Variants in NAT16 observed in about 807,000 individuals in gnomAD.
NAT16 encodes N-acetyltransferase 16 (putative).
In NAT16, 16 loss-of-function variants were observed where a neutral mutation model predicts 15.9. That is an observed-to-expected ratio of 1.01 (90% CI 0.68 to 1.53). The LOEUF is 1.53. Ranked by LOEUF, NAT16 falls within the 40% of genes most tolerant of loss-of-function variation. The pLI is 0.00. For synonymous variants in NAT16, 260 were observed against 241.9 expected, an observed-to-expected ratio of 1.07 and a Z score of -0.69; for missense variants, 572 against 508.4, an observed-to-expected ratio of 1.13 and a Z score of -1.20.
chr7:101,179,895 T>C (rs1009719277), intron 1 of NAT16, 147 bp downstream of exon 1: 14 of 152,260 alleles, frequency 9.2e-5, no homozygotes, highest in African/African-American at 3.4e-4. Flanking sequence ...GACTCAGTTT[T>C]CTGGGTCTTC....
rs1332385980 is a variant in NAT16 at position 101,172,283 on chromosome 7, G to A, written c.906C>T (p.Phe302=). The change falls in exon 4 of 4, where the codon TTC becomes TTT. Residue 302 remains phenylalanine, a synonymous_variant. Coordinates refer to ENST00000300303, the MANE Select transcript of NAT16 (RefSeq NM_198571.3). This position sits in a 1 kb window ranked among gnomAD's most constrained non-coding sequence, Gnocchi z 4.2. ...TCTGCACCTGCGCGCCGTCGCTACC[G>A]AAGGCGTCGATGTTGAGATAGCGCC... ...GTWRYLNIDA[F]GSDGAQVQSQ... 28 of 1,612,388 alleles carry A rather than the reference G, an allele frequency of 1.7e-5. No homozygotes were observed. Among genetic ancestry groups the A allele is most frequent in the Non-Finnish European group, 2.4e-5 (28 of 1,179,624 alleles).
chr7:101,171,527 AGCTTG>A lies in NAT16; in HGVS notation c.*547_*551del. The A allele has an allele frequency of 6.5e-6, 1 of 153,360 alleles. No homozygotes were observed. The highest frequency in any genetic ancestry group is 6.5e-5 in the Admixed American group (1 of 15,324). 9.5% of individuals were successfully genotyped at this position (153,360 alleles called of 1,614,324 possible). A position where few individuals can be genotyped will look rare whatever the true frequency, so the allele number is the denominator to read the frequency against. ...GAGGGCACTGATCTCTGGCACCAGA[AGCTTG>A]AGCAGGGGGAGGGGATTGGGGTGTG... On this transcript the variant is annotated 3_prime_UTR_variant, in exon 4 of 4. Transcript: ENST00000300303.
rs749396806 is a variant in NAT16 at position 101,172,201 on chromosome 7, T to G, written c.988A>C (p.Met330Leu). Reference sequence around the variant, plus strand: ...TGGGGCTCCAGGAAGAGCTGGCACATGACGTTGAGGCCAACGAGGCGCGGG... The same window carrying G: ...TGGGGCTCCAGGAAGAGCTGGCACAGGACGTTGAGGCCAACGAGGCGCGGG... ...QAPRLVGLNV[M>L]CQLFLEPQLW... The change falls in exon 4 of 4, where the codon ATG (methionine) becomes CTG (leucine). Residue 330 changes from methionine to leucine, a missense_variant. Coordinates refer to ENST00000300303, the MANE Select transcript of NAT16 (RefSeq NM_198571.3). The surrounding 1 kb of genome is among the most constrained non-coding windows in gnomAD (Gnocchi z 4.2). 1.9e-6 allele frequency: 3 copies of G among 1,613,878 alleles called. No individual in the cohort carries two copies. Among genetic ancestry groups the G allele is most frequent in the South Asian group, 1.1e-5 (1 of 91,072 alleles).
chr7:101,173,491 G>C lies in NAT16; in HGVS notation c.342C>G (p.Asp114Glu). 2 of 1,606,448 alleles carry C rather than the reference G, an allele frequency of 1.2e-6. No homozygotes were observed. Among genetic ancestry groups the C allele is most frequent in the Non-Finnish European group, 1.7e-6 (2 of 1,175,816 alleles). The change falls in exon 3 of 4, where the codon GAC becomes GAG. Residue 114 changes from aspartate (D) to glutamate (E), a missense_variant. Coordinates refer to ENST00000300303, the MANE Select transcript of NAT16 (RefSeq NM_198571.3). ...VIALESVNVI[D>E]AGETVLVEGL... Reference sequence around the variant, plus strand: ...CCTCCACCAGCACCGTCTCCCCGGCGTCGATCACGTTCACCGACTCCAGCG... The same window carrying C: ...CCTCCACCAGCACCGTCTCCCCGGCCTCGATCACGTTCACCGACTCCAGCG...
intron 2 of NAT16, chr7:101,174,279 C>A: frequency 1.7e-6 from 1 of 582,568 alleles, no homozygotes; most frequent in East Asian, 3.0e-5. Flanking sequence ...CTCACCTGTC[C>A]CTCTGGTTCC....
chr7:101,172,525 C>G lies in NAT16; in HGVS notation c.664G>C (p.Asp222His), dbSNP rs781324827. 1.3e-6 allele frequency: 2 copies of G among 1,576,218 alleles called. No homozygotes were observed. The highest frequency in any genetic ancestry group is 4.7e-5 in the East Asian group (2 of 42,882). Residue 222 changes from aspartate (D) to histidine (H), a missense_variant, in exon 4 of 4, where the codon GAC becomes CAC. Coordinates refer to ENST00000300303, the MANE Select transcript of NAT16 (RefSeq NM_198571.3). This position sits in a 1 kb window ranked among gnomAD's most constrained non-coding sequence, Gnocchi z 4.2. ...GGTGACAGCAGGAGGCGTGCCACGT[C>G]GCCGCCTGCCTCGGACACGGCCTCG... is the stretch of plus-strand genomic sequence containing the variant. ...PTEAVSEAGG[D>H]VARLLLSPSV...
chr7:101,176,869 G>T (rs1338211069), intron 1 of NAT16, among the ~76,000 whole-genome samples: 1 of 152,082 alleles, frequency 6.6e-6, no homozygotes, highest in Non-Finnish European at 1.5e-5. Flanking sequence ...TTCTGTGGGG[G>T]TGATATTGAC....
At position 101,172,051 on chromosome 7, in the gene NAT16, T is replaced by C. The variant is rs763558289; in HGVS notation, c.*28A>G. On this transcript the variant is annotated 3_prime_UTR_variant, in exon 4 of 4. Transcript: ENST00000300303. The surrounding 1 kb of genome is among the most constrained non-coding windows in gnomAD (Gnocchi z 4.2). The stretch of plus-strand genomic sequence containing the variant: ...GAAACTGCGGAAGGGGGCGGGTCTT[T>C]TTCCCCCTCCCCGCCAGAGGAGAGG... The C allele has an allele frequency of 4.6e-6, 7 of 1,516,526 alleles. No individual in the cohort carries two copies. The highest frequency in any genetic ancestry group is 6.3e-6 in the Non-Finnish European group (7 of 1,106,012). 93.9% of individuals were successfully genotyped at this position (1,516,526 alleles called of 1,614,324 possible). A position where few individuals can be genotyped will look rare whatever the true frequency, so the allele number is the denominator to read the frequency against.
chr7:101,172,454 G>C lies in NAT16; in HGVS notation c.735C>G (p.Asp245Glu), dbSNP rs781024841. 3 of 1,600,904 alleles carry C rather than the reference G, an allele frequency of 1.9e-6. No homozygotes were observed. Among genetic ancestry groups the C allele is most frequent in the Admixed American group, 3.4e-5 (2 of 59,244 alleles). Residue 245 changes from aspartate (D) to glutamate (E), a missense_variant, in exon 4 of 4, where the codon GAC (aspartate) becomes GAG (glutamate). By Grantham distance (45) the Asp-to-Glu change is conservative (BLOSUM62 2). Coordinates refer to ENST00000300303, the MANE Select transcript of NAT16 (RefSeq NM_198571.3). This position sits in a 1 kb window ranked among gnomAD's most constrained non-coding sequence, Gnocchi z 4.2. The part of the protein sequence containing the change: ...DVLPGGTIIQ[D>E]WQPYRPSESN... ...TTTCGCTAGGCCGGTAGGGCTGCCA[G>C]TCCTGGATGATGGTCCCGCCTGGAA... is the stretch of plus-strand genomic sequence containing the variant.
rs771287019 is a variant in NAT16 at position 101,172,104 on chromosome 7, T to A, written c.1085A>T (p.Gln362Leu). ...TCAGATGTCGGCCTCCAGCAGGTAC[T>A]GTTCAGTATAACCCTTCACCAGCTC... Reference protein sequence around the residue: ...GLELVKGYTEQYLLEADI With the variant: ...GLELVKGYTELYLLEADI The change falls in exon 4 of 4, where the codon CAG becomes CTG. Residue 362 changes from glutamine (Q) to leucine (L), a missense_variant. Coordinates refer to ENST00000300303, the MANE Select transcript of NAT16 (RefSeq NM_198571.3). The surrounding 1 kb of genome is among the most constrained non-coding windows in gnomAD (Gnocchi z 4.2). The A allele has an allele frequency of 1.2e-6, 2 of 1,613,632 alleles. No individual in the cohort carries two copies. Among genetic ancestry groups the A allele is most frequent in the African/African-American group, 1.3e-5 (1 of 74,972 alleles).
At chr7:101,179,141 G>A (rs1797536808) in intron 1 of NAT16, 1 of 151,390 alleles carries the variant, frequency 6.6e-6, no homozygotes, top group African/African-American at 2.4e-5. Flanking sequence ...TTGACACTGG[G>A]GGAGGGAGGA....
chr7:101,172,748 C>T lies in NAT16; in HGVS notation c.538-97G>A, dbSNP rs1200034270. 7.1e-6 allele frequency: 7 copies of T among 992,312 alleles called. No homozygotes were observed. The highest frequency in any genetic ancestry group is 9.8e-6 in the Non-Finnish European group (7 of 713,884). 61.5% of individuals were successfully genotyped at this position (992,312 alleles called of 1,614,324 possible). On this transcript the variant is annotated intron_variant, in intron 3 of 3. Transcript: ENST00000300303. This position sits in a 1 kb window ranked among gnomAD's most constrained non-coding sequence, Gnocchi z 4.2. ...GCATCTTCACTCCCACGTTCACGCC[C>T]ACGGGCTCCCACCTGGGTCCCTCTG...
In NAT16 at chr7:101,172,500, G is replaced by T; in HGVS notation, c.689C>A (p.Pro230His). The change falls in exon 4 of 4, where the codon CCC becomes CAC. Residue 230 changes from proline (P) to histidine (H), a missense_variant. By Grantham distance (77) the Pro-to-His change is moderately conservative. Coordinates refer to ENST00000300303, the MANE Select transcript of NAT16 (RefSeq NM_198571.3). This position sits in a 1 kb window ranked among gnomAD's most constrained non-coding sequence, Gnocchi z 4.2. ...TGGAAGCACGTCGCGCTGCACGGAG[G>T]GTGACAGCAGGAGGCGTGCCACGTC... ...GGDVARLLLS[P>H]SVQRDVLPGG... 1 of 1,592,970 alleles carries T rather than the reference G, an allele frequency of 6.3e-7. No individual in the cohort carries two copies. Among genetic ancestry groups the T allele is most frequent in the South Asian group, 1.1e-5 (1 of 89,470 alleles).
intron 1 of NAT16, among the ~76,000 whole-genome samples, chr7:101,177,557 G>T (rs966190107): frequency 6.6e-6 from 1 of 152,052 alleles, no homozygotes; most frequent in Non-Finnish European, 1.5e-5. Flanking sequence ...CCACTATTTT[G>T]CCCAGGCTGG....
At chr7:101,174,193 C>CCT (rs377431179) in intron 2 of NAT16, 9 of 471,980 alleles carry the variant, frequency 1.9e-5, no homozygotes, top group African/African-American at 1.6e-4. Context: ...CCTAGCCTAC[C>CCT]CTCTCTCTCC....
chr7:101,173,024 T>C (rs112978090), intron 3 of NAT16, among the ~76,000 whole-genome samples: 3,770 of 152,160 alleles, frequency 0.025, 78 homozygotes, highest in Non-Finnish European at 0.038. Flanking sequence ...GGAGATGGCT[T>C]GGGGCCCTGA....
At chr7:101,173,275 C>T (rs753677658) in intron 3 of NAT16, 21 bp downstream of exon 3, 4 of 1,605,650 alleles carry the variant, frequency 2.5e-6, no homozygotes, top group Admixed American at 1.7e-5. Flanking sequence ...CCCAGCCATC[C>T]GAGCTCCCTG....
Position 101,171,847 on chromosome 7 carries a change from T to C in NAT16, c.*232A>G. 1 of 522,680 alleles carries C rather than the reference T, an allele frequency of 1.9e-6. No homozygotes were observed. Among genetic ancestry groups the C allele is most frequent in the East Asian group, 3.4e-5 (1 of 29,090 alleles). The allele number at this position is 522,680 out of a possible 1,614,324, so 32.4% of individuals were successfully genotyped here. On this transcript the variant is annotated 3_prime_UTR_variant, in exon 4 of 4. Coordinates refer to ENST00000300303, the MANE Select transcript of NAT16 (RefSeq NM_198571.3). The stretch of plus-strand genomic sequence containing the variant: ...GCCCCCACCCCCAGCCCCCACCTAA[T>C]AGTCCGCAAGTTCAGGTCAGGGAGT...
chr7:101,174,727 T>C lies in NAT16; in HGVS notation c.81A>G (p.Pro27=). The change falls in exon 2 of 4, where the codon CCA becomes CCG. Residue 27 remains proline (P), a synonymous_variant. Transcript: ENST00000300303. Reference sequence around the variant, plus strand: ...CCTCCTGTGGCCGGGTTTCAGAGCTTGGCTCTGCATCTCGGGCAGTCTTCT... The same window carrying C: ...CCTCCTGTGGCCGGGTTTCAGAGCTCGGCTCTGCATCTCGGGCAGTCTTCT... The part of the protein sequence containing the change: ...PEKKTARDAE[P]SSETRPQEVE... 1 of 1,611,336 alleles carries C rather than the reference T, an allele frequency of 6.2e-7. No homozygotes were observed. Among genetic ancestry groups the C allele is most frequent in the Non-Finnish European group, 8.5e-7 (1 of 1,179,568 alleles).
Sources: allele counts gnomAD v4.1 joint callset (sites outside exome capture counted in the v4.1 genomes callset), GRCh38; gene constraint gnomAD v4.1.1; non-coding constraint Gnocchi (gnomAD v3.1); transcripts MANE v1.5; gene names NCBI Gene and HGNC (gene_info 2026-07-23, HGNC 2026-07-21).